Variants in UBA2 observed in about 807,000 individuals in gnomAD.
The protein encoded by UBA2 is SUMO-activating enzyme subunit 2.
A neutral mutation model predicts 77.2 loss-of-function variants in UBA2; 11 were observed. That is an observed-to-expected ratio of 0.14 (90% confidence interval 0.09 to 0.24). The LOEUF (loss-of-function observed/expected upper bound fraction) is 0.24, where lower values mean the gene tolerates loss of function less well. UBA2 is among the 10% of genes least tolerant of loss of function. UBA2 has a pLI of 1.00. For synonymous variants in UBA2, 278 were observed against 276.7 expected (o/e 1.00, Z -0.05); for missense variants, 487 against 781.7 (o/e 0.62, Z 4.50).
chr19:34,429,137 A>G lies in UBA2; in HGVS notation c.138+567A>G, dbSNP rs1024192512. On this transcript the variant is annotated intron_variant, in intron 1 of 16. Transcript: ENST00000246548. ...TAACAGATGAGGAAAGGGAGACGCAATGGGGTTGAGTAACTTACCCTGGGT... is the reference window on the plus strand; with the variant it reads ...TAACAGATGAGGAAAGGGAGACGCAGTGGGGTTGAGTAACTTACCCTGGGT... 4.2e-5 allele frequency: 41 copies of G among 983,316 alleles called. No individual in the cohort carries two copies. The East Asian group carries it at 9.1e-4, about 22-fold the overall frequency. The allele number at this position is 983,316 out of a possible 1,614,324, so 60.9% of individuals were successfully genotyped here.
At chr19:34,450,586 G>A (rs568761041) in intron 9 of UBA2, among the ~76,000 whole-genome samples, 2 of 151,984 alleles carry the variant, frequency 1.3e-5, no homozygotes, top group South Asian at 4.2e-4. Flanking sequence ...CACAGATGCA[G>A]GCATTCGTTA....
chr19:34,458,164 T>G (rs1295444612), intron 12 of UBA2, among the ~76,000 whole-genome samples: 2 of 152,204 alleles, frequency 1.3e-5, no homozygotes, highest in Non-Finnish European at 2.9e-5. Context: ...GTGCCCTTAC[T>G]CTTGCCAAAT....
At chr19:34,428,790 G>T (rs1300814228) in intron 1 of UBA2, 2 of 1,140,192 alleles carry the variant, frequency 1.8e-6, no homozygotes, top group African/African-American at 1.6e-5. Context: ...GGCTCCGGAC[G>T]CCGAGGAGGC....
At chr19:34,428,679 C>A in intron 1 of UBA2, 109 bp downstream of exon 1, 1 of 1,213,338 alleles carries the variant, frequency 8.2e-7, no homozygotes, top group East Asian at 3.2e-5. Flanking sequence ...AGCCCGGGAC[C>A]GGAGTTGCGG....
intron 12 of UBA2, among the ~76,000 whole-genome samples, chr19:34,457,144 C>A (rs1448042606): frequency 9.0e-6 from 1 of 110,586 alleles, no homozygotes. Context: ...GCCTGACTAA[C>A]GTGGAGAAAC....
intron 12 of UBA2, among the ~76,000 whole-genome samples, chr19:34,456,100 C>CTTTTCTTTTTTTTTTTTTTT (rs2075557152): frequency 3.6e-5 from 2 of 55,782 alleles, no homozygotes; most frequent in South Asian, 7.6e-4. Flanking sequence ...TTTTCCTTTT[C>CTTTTCTTTTTTTTTTTTTTT]TTTTTCTTTT....
intron 16 of UBA2, among the ~76,000 whole-genome samples, chr19:34,468,517 C>T (rs899495837): frequency 7.2e-5 from 11 of 152,162 alleles, no homozygotes; most frequent in Non-Finnish European, 1.5e-4. Context: ...CCTTTAGTAT[C>T]AGTTCTGCAT....
chr19:34,433,758 G>A (rs960254426), intron 4 of UBA2, among the ~76,000 whole-genome samples: 1 of 152,088 alleles, frequency 6.6e-6, no homozygotes, highest in South Asian at 2.1e-4. Flanking sequence ...TCAGGAGTTC[G>A]AGACCAACCT....
intron 10 of UBA2, 141 bp downstream of exon 10, chr19:34,452,288 C>T: frequency 1.4e-6 from 1 of 734,262 alleles, no homozygotes; most frequent in East Asian, 2.9e-5. Context: ...ATTTTCAGCT[C>T]TAATTGCTGT....
chr19:34,457,147 G>A (rs1309881189), intron 12 of UBA2, among the ~76,000 whole-genome samples: 2 of 106,316 alleles, frequency 1.9e-5, no homozygotes, highest in Non-Finnish European at 3.6e-5. Flanking sequence ...TGACTAACGT[G>A]GAGAAACCTG....
chr19:34,468,434 G>C (rs574121850), intron 16 of UBA2, among the ~76,000 whole-genome samples: 1 of 152,292 alleles, frequency 6.6e-6, no homozygotes, highest in South Asian at 2.1e-4. Flanking sequence ...ACTGTGGGTA[G>C]GTTTCCAAGG....
At chr19:34,436,449 G>T (rs560482286) in intron 5 of UBA2, among the ~76,000 whole-genome samples, 1 of 152,020 alleles carries the variant, frequency 6.6e-6, no homozygotes, top group African/African-American at 2.4e-5. Flanking sequence ...ACAGGCGTGC[G>T]CCACCACGCC....
Position 34,469,249 on chromosome 19 carries a change from T to A in UBA2, c.*28T>A, listed in dbSNP as rs1445050251. The A allele has an allele frequency of 6.6e-7, 1 of 1,516,774 alleles. No individual in the cohort carries two copies. Among genetic ancestry groups the A allele is most frequent in the South Asian group, 1.3e-5 (1 of 75,446 alleles). 94.0% of individuals were successfully genotyped at this position (1,516,774 alleles called of 1,614,324 possible). A position where few individuals can be genotyped will look rare whatever the true frequency, so the allele number is the denominator to read the frequency against. ...AGAAATGCCTCTAAACAGAACCCTC[T>A]TACTATTTAGTTTATCTGGGCAGAA... On this transcript the variant is annotated 3_prime_UTR_variant, in exon 17 of 17. Transcript: ENST00000246548.
intron 12 of UBA2, among the ~76,000 whole-genome samples, chr19:34,455,646 C>CT (rs1042825659): frequency 2.0e-5 from 3 of 151,916 alleles, no homozygotes; most frequent in African/African-American, 4.8e-5. Flanking sequence ...TGCACACTTA[C>CT]TTTTTTTTAT....
chr19:34,454,558 T>A lies in UBA2; in HGVS notation c.1245+2T>A. 6.8e-7 allele frequency: 1 copy of A among 1,468,342 alleles called. No homozygotes were observed. The highest frequency in any genetic ancestry group is 9.2e-7 in the Non-Finnish European group (1 of 1,083,070). The allele number at this position is 1,468,342 out of a possible 1,614,324, so 91.0% of individuals were successfully genotyped here. A position where few individuals can be genotyped will look rare whatever the true frequency, so the allele number is the denominator to read the frequency against. ...GGAAAAATAGACCAGTGCAGAACAG[T>A]GAGTATTTCTGTTTGCATTTTTATG... On this transcript the variant is annotated splice_donor_variant, in intron 12 of 16. Coordinates refer to ENST00000246548, the MANE Select transcript of UBA2 (RefSeq NM_005499.3). LOFTEE classifies it high-confidence loss of function.
intron 8 of UBA2, among the ~76,000 whole-genome samples, chr19:34,446,451 C>T (rs1050919797): frequency 6.6e-6 from 1 of 152,102 alleles, no homozygotes; most frequent in Non-Finnish European, 1.5e-5. Context: ...TCGTCTCTGT[C>T]CTGTGTCTCG....
chr19:34,428,388 G>A lies in UBA2; in HGVS notation c.-45G>A. The A allele has an allele frequency of 1.6e-6, 2 of 1,232,484 alleles. No individual in the cohort carries two copies. The highest frequency in any genetic ancestry group is 2.0e-6 in the Non-Finnish European group (2 of 987,206). 76.3% of individuals were successfully genotyped at this position (1,232,484 alleles called of 1,614,324 possible). ...CCCCACCCGCTTCCGGCCGCGGCTC[G>A]GTTCTCCCGCCTCCGCCTCCGCCGC... On this transcript the variant is annotated 5_prime_UTR_variant, in exon 1 of 17. Transcript: ENST00000246548.
intron 8 of UBA2, among the ~76,000 whole-genome samples, chr19:34,449,099 C>T (rs1318167092): frequency 2.8e-5 from 3 of 108,302 alleles, no homozygotes; most frequent in East Asian, 2.9e-4. Flanking sequence ...GAGACTGAGT[C>T]TCACTCTGTT....
rs752571035 is a variant in UBA2 at position 34,466,913 on chromosome 19, T to G, written c.1640T>G (p.Val547Gly). 1 of 1,613,724 alleles carries G rather than the reference T, an allele frequency of 6.2e-7. No homozygotes were observed. The highest frequency in any genetic ancestry group is 2.2e-5 in the East Asian group (1 of 44,876). ...DLGKDVEFEV[V>G]GDAPEKVGPK... is the part of the protein sequence containing the mutation. ...GGAAAGGACGTTGAATTTGAAGTTG[T>G]TGGTGATGCCCCGGAAAAAGTGGGG... Residue 547 changes from valine to glycine, a missense_variant, in exon 16 of 17, where the codon GTT becomes GGT. Around this residue, in one of 9 missense-constraint regions of UBA2, gnomAD observed 300 missense variants for 454.3 expected, o/e 0.66. Transcript: ENST00000246548.
Sources: allele counts gnomAD v4.1 joint callset (sites outside exome capture counted in the v4.1 genomes callset), GRCh38; gene constraint gnomAD v4.1.1; regional missense constraint gnomAD v4.1.1; transcripts MANE v1.5; gene names NCBI Gene and HGNC (gene_info 2026-07-23, HGNC 2026-07-21).